Variants in GLIPR2 observed in about 807,000 individuals in gnomAD.
GLIPR2 encodes GLI pathogenesis related 2.
A neutral mutation model predicts 20.4 loss-of-function variants in GLIPR2; 21 were observed. The observed-to-expected ratio is 1.03, with a 90% confidence interval of 0.73 to 1.48. GLIPR2 has a LOEUF of 1.48. GLIPR2 is among the 40% of genes most tolerant of loss of function. GLIPR2 has a pLI of 0.00. For missense variants in GLIPR2, 205 were observed against 200.1 expected, an observed-to-expected ratio of 1.02 and a Z score of -0.15; for synonymous variants, 91 against 80.5, an observed-to-expected ratio of 1.13 and a Z score of -0.70.
Position 36,145,199 on chromosome 9 carries a change from A to C in GLIPR2, c.14-2587A>C, listed in dbSNP as rs75546108. 7.8e-3 allele frequency among the ~76,000 whole-genome samples: 1,179 copies of C among 151,670 alleles called. 11 individuals carry two copies. Among genetic ancestry groups the C allele is most frequent in the Non-Finnish European group, 0.012 (821 of 67,914 alleles). ...CCCTCACTCAGAACTCATCCAACTC[A>C]CCCCCATTTCCAGAGAAAGGAACTC... On this transcript the variant is annotated intron_variant, in intron 1 of 4. Coordinates refer to ENST00000377960, the MANE Select transcript of GLIPR2 (RefSeq NM_022343.4).
At chr9:36,141,085 A>T (rs1220186451) in intron 1 of GLIPR2, among the ~76,000 whole-genome samples, 3 of 152,204 alleles carry the variant, frequency 2.0e-5, no homozygotes, top group African/African-American at 7.2e-5. Flanking sequence ...AATAATAATC[A>T]TTACAGTTGG....
chr9:36,162,034 G>A (rs1826075097), intron 4 of GLIPR2, among the ~76,000 whole-genome samples: 1 of 152,152 alleles, frequency 6.6e-6, no homozygotes, highest in South Asian at 2.1e-4. Context: ...AATTAGCTGG[G>A]CGTGGTGGCA....
At chr9:36,159,356 T>C (rs1256240233) in intron 4 of GLIPR2, among the ~76,000 whole-genome samples, 1 of 152,204 alleles carries the variant, frequency 6.6e-6, no homozygotes, top group Non-Finnish European at 1.5e-5. Flanking sequence ...GCTCAAAACA[T>C]AGAATGCTGC....
At chr9:36,156,700 A>T (rs1189454002) in intron 4 of GLIPR2, among the ~76,000 whole-genome samples, 1 of 152,150 alleles carries the variant, frequency 6.6e-6, no homozygotes, top group African/African-American at 2.4e-5. Context: ...CTCCTGTCAG[A>T]TCAGCAGTGG....
At position 36,162,582 on chromosome 9, in the gene GLIPR2, C is replaced by A; in HGVS notation, c.*60C>A. 1 of 1,538,288 alleles carries A rather than the reference C, an allele frequency of 6.5e-7. No individual in the cohort carries two copies. The highest frequency in any genetic ancestry group is 8.9e-7 in the Non-Finnish European group (1 of 1,122,918). ...GAACGTGGATATGAAGTGCCTAGAA[C>A]CACCACAACCTGGCTGTGCGTCTGT... On this transcript the variant is annotated 3_prime_UTR_variant, in exon 5 of 5. Coordinates refer to ENST00000377960, the MANE Select transcript of GLIPR2 (RefSeq NM_022343.4).
At chr9:36,155,403 T>G (rs879852687) in intron 4 of GLIPR2, among the ~76,000 whole-genome samples, 1 of 149,686 alleles carries the variant, frequency 6.7e-6, no homozygotes, top group Non-Finnish European at 1.5e-5. Context: ...GAGACCACCC[T>G]GGCCAATATG....
chr9:36,162,284 C>T, intron 4 of GLIPR2, 78 bp from the exon 5 acceptor site: 1 of 1,600,718 alleles, frequency 6.2e-7, no homozygotes, highest in Non-Finnish European at 8.5e-7. Context: ...TACAGGGGTT[C>T]AACAATCCCC....
rs1352420748 is a variant in GLIPR2, at chr9:36,162,819, CTT to C, written c.*300_*301del. The C allele has an allele frequency of 2.1e-6, 1 of 478,168 alleles. No individual in the cohort carries two copies. Among genetic ancestry groups the C allele is most frequent in the Non-Finnish European group, 3.9e-6 (1 of 256,364 alleles). The allele number at this position is 478,168 out of a possible 1,614,324, so 29.6% of individuals were successfully genotyped here. On this transcript the variant is annotated 3_prime_UTR_variant, in exon 5 of 5. Coordinates refer to ENST00000377960, the MANE Select transcript of GLIPR2 (RefSeq NM_022343.4). ...TTTTTTGTTATTTCTAAGCAAACCT[CTT>C]TTGTACTTTTCTTACTTCTAATATC... is the stretch of plus-strand genomic sequence containing the variant.
At chr9:36,141,976 G>A (rs909165797) in intron 1 of GLIPR2, 1 of 418,738 alleles carries the variant, frequency 2.4e-6, no homozygotes, top group African/African-American at 2.1e-5. Flanking sequence ...CCTCAGCCCT[G>A]GGGAGCCAGG....
chr9:36,141,886 G>C, intron 1 of GLIPR2: 1 of 455,234 alleles, frequency 2.2e-6, no homozygotes, highest in South Asian at 1.5e-5. Flanking sequence ...CTGGCCTCCA[G>C]AAGGAACTTC....
At chr9:36,155,449 C>G (rs1825787080) in intron 4 of GLIPR2, among the ~76,000 whole-genome samples, 1 of 152,068 alleles carries the variant, frequency 6.6e-6, no homozygotes, top group South Asian at 2.1e-4. Context: ...CAAAAATTAG[C>G]CGGATGTGGT....
At chr9:36,151,919 C>A (rs1825603527) in intron 4 of GLIPR2, among the ~76,000 whole-genome samples, 1 of 152,198 alleles carries the variant, frequency 6.6e-6, no homozygotes, top group Non-Finnish European at 1.5e-5. Context: ...GGACTCTCTG[C>A]CCACCTCGTT....
chr9:36,154,824 C>T (rs1281121034), intron 4 of GLIPR2, among the ~76,000 whole-genome samples: 1 of 152,178 alleles, frequency 6.6e-6, no homozygotes, highest in Admixed American at 6.5e-5. Context: ...CTCATGTGCA[C>T]TTTGTGTCTA....
rs58467311 is a variant in GLIPR2 at position 36,156,385 on chromosome 9, T to TAAA, written c.304+5461_304+5463dup. Among the ~76,000 whole-genome samples, 223 of 77,746 alleles carry TAAA rather than the reference T, an allele frequency of 2.9e-3. 6 individuals are homozygous for TAAA. The highest frequency in any genetic ancestry group is 3.7e-3 in the Non-Finnish European group (155 of 42,146). The allele number at this position is 77,746 out of a possible 152,430, so 51.0% of individuals were successfully genotyped here. A position where few individuals can be genotyped will look rare whatever the true frequency, so the allele number is the denominator to read the frequency against. ...CTGGACAACAGAGTGAAGCCATGTCTAAAAAAAAAAAAAAAAAAAAAAAAA... is the reference window on the plus strand; with the variant it reads ...CTGGACAACAGAGTGAAGCCATGTCTAAAAAAAAAAAAAAAAAAAAAAAAAAAA... On this transcript the variant is annotated intron_variant, in intron 4 of 4. Coordinates refer to ENST00000377960, the MANE Select transcript of GLIPR2 (RefSeq NM_022343.4).
chr9:36,140,780 A>G (rs1587127396), intron 1 of GLIPR2, among the ~76,000 whole-genome samples: 2 of 152,294 alleles, frequency 1.3e-5, no homozygotes, highest in East Asian at 3.9e-4. Context: ...CCCGGCTCTA[A>G]TGTGGGCTCT....
At chr9:36,141,379 ATTCT>A (rs1481253683) in intron 1 of GLIPR2, among the ~76,000 whole-genome samples, 1 of 148,240 alleles carries the variant, frequency 6.7e-6, no homozygotes, top group Non-Finnish European at 1.5e-5. Flanking sequence ...CCAACTTTTT[ATTCT>A]TTCTTCCTGA....
intron 4 of GLIPR2, among the ~76,000 whole-genome samples, chr9:36,154,051 C>CATATTATATATTATATATTATATATTAT (rs55951749): frequency 7.4e-6 from 1 of 134,830 alleles, no homozygotes; most frequent in African/African-American, 2.8e-5. Flanking sequence ...AATGTCTTAT[C>CATATTATATATTATATATTATATATTAT]ATATTATATA....
rs1202484169 is a variant in GLIPR2 at position 36,162,911 on chromosome 9, T to C, written c.*389T>C. 1 of 459,448 alleles carries C rather than the reference T, an allele frequency of 2.2e-6. No individual in the cohort carries two copies. Among genetic ancestry groups the C allele is most frequent in the African/African-American group, 2.0e-5 (1 of 50,236 alleles). The allele number at this position is 459,448 out of a possible 1,614,324, so 28.5% of individuals were successfully genotyped here. On this transcript the variant is annotated 3_prime_UTR_variant, in exon 5 of 5. Coordinates refer to ENST00000377960, the MANE Select transcript of GLIPR2 (RefSeq NM_022343.4). ...GAGAAGTGAAGTTCATTTTATGTGA[T>C]CTTCATGCGTCGTAATCTACTTTTG... is the stretch of plus-strand genomic sequence containing the variant.
chr9:36,148,258 AAAC>A (rs1427478909), intron 2 of GLIPR2, among the ~76,000 whole-genome samples: 1 of 151,884 alleles, frequency 6.6e-6, no homozygotes, highest in Non-Finnish European at 1.5e-5. Flanking sequence ...AAAAAAAAAA[AAAC>A]GTTGGGGGGC....
Sources: allele counts gnomAD v4.1 joint callset (sites outside exome capture counted in the v4.1 genomes callset), GRCh38; gene constraint gnomAD v4.1.1; transcripts MANE v1.5; gene names NCBI Gene and HGNC (gene_info 2026-07-23, HGNC 2026-07-21).